MGAM: variants seen among roughly 807,000 people sequenced by gnomAD.
MGAM encodes the protein alpha-1,4-glucosidase.
In MGAM, 253 loss-of-function variants were observed where a neutral mutation model predicts 358.8. That is an observed-to-expected ratio of 0.71 (90% CI 0.64 to 0.78). The LOEUF is 0.78. MGAM is among the 30% of genes least tolerant of loss of function. MGAM has a pLI of 0.00. For missense variants in MGAM, 3,080 were observed against 3,432.6 expected (o/e 0.90, Z 2.57); for synonymous variants, 1,105 against 1,227.1 (o/e 0.90, Z 2.08).
rs1209181837 is a variant in MGAM at position 142,066,017 on chromosome 7, G to A, written c.4770+186G>A. On this transcript the variant is annotated intron_variant, in intron 40 of 70. Coordinates refer to ENST00000475668, the MANE Select transcript of MGAM (RefSeq NM_001365693.1). The stretch of plus-strand genomic sequence containing the variant: ...TACTCTGTTGGCCAGGCTGAATCGT[G>A]CAGTGTCCCAATCATGGCTGACTGC... Among the ~76,000 whole-genome samples the A allele has an allele frequency of 8.0e-5, 11 of 136,950 alleles. 1 individual carries two copies. The allele number at this position is 136,950 out of a possible 152,430, so 89.8% of individuals were successfully genotyped here.
rs1814388409 is a variant in MGAM at position 142,082,376 on chromosome 7, A to G, written c.6172-99A>G. ...TTCATGTGTTTAATTGATTTCATGG[A>G]GAAAACTAGACCCATCTTAGCAAGC... On this transcript the variant is annotated intron_variant, in intron 51 of 70. Coordinates refer to ENST00000475668, the MANE Select transcript of MGAM (RefSeq NM_001365693.1). 12 of 1,281,432 alleles carry G rather than the reference A, an allele frequency of 9.4e-6. 1 individual carries two copies. The highest frequency in any genetic ancestry group is 1.3e-5 in the Non-Finnish European group (12 of 917,370). The allele number at this position is 1,281,432 out of a possible 1,614,324, so 79.4% of individuals were successfully genotyped here.
chr7:141,987,660 C>G (rs1803772828), intron 2 of MGAM, among the ~76,000 whole-genome samples: 1 of 152,140 alleles, frequency 6.6e-6, no homozygotes, highest in South Asian at 2.1e-4. Flanking sequence ...AGAGAAATAG[C>G]CATCTCTGAG....
upstream of MGAM, among the ~76,000 whole-genome samples, chr7:141,994,478 T>C (rs1251341725): frequency 1.3e-5 from 2 of 152,298 alleles, no homozygotes; most frequent in Admixed American, 6.5e-5. Flanking sequence ...ACTGAGTCAG[T>C]TCCCAGGAGG....
chr7:142,027,323 T>A, intron 9 of MGAM, 96 bp downstream of exon 9: 2 of 999,644 alleles, frequency 2.0e-6, no homozygotes, highest in Non-Finnish European at 3.1e-6. Context: ...CCACAAAATC[T>A]GCTGTTACAA....
In MGAM at chr7:142,065,331, G is replaced by A; in HGVS notation, c.4485-4G>A. 6.2e-7 allele frequency: 1 copy of A among 1,607,192 alleles called. No individual in the cohort carries two copies. Among genetic ancestry groups the A allele is most frequent in the Non-Finnish European group, 8.5e-7 (1 of 1,177,386 alleles). ...CAGTTCACCTCCTGTTCCCTTCCAA[G>A]CAGAGCCGTGCAGGAGGTGACGGGA... On this transcript the variant is annotated splice_region_variant and splice_polypyrimidine_tract_variant and intron_variant, in intron 37 of 70. Coordinates refer to ENST00000475668, the MANE Select transcript of MGAM (RefSeq NM_001365693.1).
rs761570635 is a variant in MGAM at position 142,055,972 on chromosome 7, C to T, written c.3484-28C>T. 128 of 1,586,802 alleles carry T rather than the reference C, an allele frequency of 8.1e-5. No homozygotes were observed. In the Admixed American group the frequency reaches 2.2e-3, roughly 28 times the overall value. On this transcript the variant is annotated intron_variant, in intron 28 of 70. Coordinates refer to ENST00000475668, the MANE Select transcript of MGAM (RefSeq NM_001365693.1). ...TCTCAGGCATAATGTCTTTTAAACT[C>T]CTACTGCTTCTTCCCATGACTCCCC...
intron 3 of MGAM, among the ~76,000 whole-genome samples, chr7:142,013,796 G>T (rs1805778245): frequency 6.6e-6 from 1 of 152,134 alleles, no homozygotes; most frequent in African/African-American, 2.4e-5. Context: ...CCATTACACT[G>T]GTCAGCCCAC....
chr7:141,991,273 T>C (rs782499883), upstream of MGAM, among the ~76,000 whole-genome samples: 8 of 152,310 alleles, frequency 5.3e-5, no homozygotes, highest in Admixed American at 2.0e-4. Context: ...TTGTTTGTAG[T>C]ACACACATAA....
At position 142,076,309 on chromosome 7, in the gene MGAM, A is replaced by G; in HGVS notation, c.5325+57A>G. On this transcript the variant is annotated intron_variant, in intron 46 of 70. Coordinates refer to ENST00000475668, the MANE Select transcript of MGAM (RefSeq NM_001365693.1). ...TGGGCTTTGGACTGACCATTAGCACATCTGTGCTTGTGTATATGTGTGATT... is the reference window on the plus strand; with the variant it reads ...TGGGCTTTGGACTGACCATTAGCACGTCTGTGCTTGTGTATATGTGTGATT... 5 of 1,369,074 alleles carry G rather than the reference A, an allele frequency of 3.7e-6. 1 individual carries two copies. In the South Asian group the frequency reaches 5.8e-5, roughly 16 times the overall value. The allele number at this position is 1,369,074 out of a possible 1,614,324, so 84.8% of individuals were successfully genotyped here.
chr7:142,086,463 A>G, intron 56 of MGAM, 135 bp downstream of exon 56: 2 of 692,588 alleles, frequency 2.9e-6, no homozygotes, highest in Non-Finnish European at 4.5e-6. Flanking sequence ...TTTCTCAATC[A>G]ATATTTGTTG....
rs755682261 is a variant in MGAM, at chr7:142,070,125, G to A, written c.5062-869G>A. On this transcript the variant is annotated intron_variant, in intron 43 of 70. Coordinates refer to ENST00000475668, the MANE Select transcript of MGAM (RefSeq NM_001365693.1). ...TGACAATTGTTTGAACCTGGGAGGC[G>A]GAGGTTGCAGTGAGCTGAGATTGTG... Among the ~76,000 whole-genome samples, 7 of 144,242 alleles carry A rather than the reference G, an allele frequency of 4.9e-5. 1 individual carries two copies. The highest frequency in any genetic ancestry group is 9.4e-5 in the Non-Finnish European group (6 of 63,732). The allele number at this position is 144,242 out of a possible 152,430, so 94.6% of individuals were successfully genotyped here. A position where few individuals can be genotyped will look rare whatever the true frequency, so the allele number is the denominator to read the frequency against.
chr7:142,021,437 C>A, intron 5 of MGAM, 149 bp from the exon 6 acceptor site: 2 of 768,108 alleles, frequency 2.6e-6, no homozygotes, highest in South Asian at 3.8e-5. Context: ...CAAAGGTGAA[C>A]CATTTGAGTT....
chr7:142,031,960 C>T (rs1350671722), intron 13 of MGAM, among the ~76,000 whole-genome samples, 167 bp downstream of exon 13: 3 of 151,010 alleles, frequency 2.0e-5, no homozygotes, highest in Admixed American at 2.0e-4. Context: ...CTTGCTAAAA[C>T]ACATAGCTTA....
At position 142,038,011 on chromosome 7, in the gene MGAM, T is replaced by C. The variant is rs78199778; in HGVS notation, c.2232-520T>C. ...GTTTTATTCATTCTTTCTAACTATT[T>C]TTTTTTGTATCTGTTAACCATCTTG... On this transcript the variant is annotated intron_variant, in intron 18 of 70. Coordinates refer to ENST00000475668, the MANE Select transcript of MGAM (RefSeq NM_001365693.1). 8.2e-3 allele frequency among the ~76,000 whole-genome samples: 1,250 copies of C among 152,250 alleles called. 12 individuals are homozygous for C. The highest frequency in any genetic ancestry group is 0.029 in the African/African-American group (1,209 of 41,548).
chr7:142,096,243 G>A (rs1236803888), intron 64 of MGAM, 88 bp from the exon 65 acceptor site: 20 of 1,275,996 alleles, frequency 1.6e-5, no homozygotes, highest in African/African-American at 1.0e-4. Flanking sequence ...CTGTATTTCC[G>A]ACTTGGATCT....
At position 142,059,849 on chromosome 7, in the gene MGAM, A is replaced by G. The variant is rs1811938606; in HGVS notation, c.3949-7A>G. 1.2e-6 allele frequency: 2 copies of G among 1,605,226 alleles called. No individual in the cohort carries two copies. Among genetic ancestry groups the G allele is most frequent in the Middle Eastern group, 1.7e-4 (1 of 6,054 alleles). On this transcript the variant is annotated splice_polypyrimidine_tract_variant and splice_region_variant and intron_variant, in intron 32 of 70. Coordinates refer to ENST00000475668, the MANE Select transcript of MGAM (RefSeq NM_001365693.1). ...GTTTTCCCAACTGACTTATGCTTTG[A>G]TTTCAGGATCCAGCCATTTCTGGCA...
At chr7:142,052,183 T>A (rs577536555) in intron 24 of MGAM, 111 bp from the exon 25 acceptor site, 3 of 922,038 alleles carry the variant, frequency 3.3e-6, no homozygotes, top group African/African-American at 3.4e-5. Flanking sequence ...TGCTTGGATG[T>A]TTGAAAGTCT....
intron 21 of MGAM, among the ~76,000 whole-genome samples, chr7:142,041,459 C>G (rs911290844): frequency 2.0e-5 from 3 of 151,994 alleles, no homozygotes; most frequent in African/African-American, 7.2e-5. Context: ...TGCCAGTTGG[C>G]TTCCTTTTTC....
intron 17 of MGAM, among the ~76,000 whole-genome samples, 197 bp from the exon 18 acceptor site, chr7:142,036,626 T>G (rs1808017703): frequency 6.6e-6 from 1 of 152,210 alleles, no homozygotes; most frequent in Non-Finnish European, 1.5e-5. Flanking sequence ...GAGAGGAATC[T>G]TAAAGAATGA....
Sources: allele counts gnomAD v4.1 joint callset (sites outside exome capture counted in the v4.1 genomes callset), GRCh38; gene constraint gnomAD v4.1.1; transcripts MANE v1.5; gene names NCBI Gene and HGNC (gene_info 2026-07-23, HGNC 2026-07-21).